The following LARGE1 variants were observed in gnomAD, a reference collection of about 807,000 sequenced individuals.
LARGE1 encodes the protein LARGE xylosyl- and glucuronyltransferase 1.
LARGE1 carries 43 observed loss-of-function variants against 87.6 expected under a neutral mutation model. That is an observed-to-expected ratio of 0.49 (90% CI 0.38 to 0.63). LARGE1 has a LOEUF of 0.63. Ranked by LOEUF, LARGE1 falls within the 30% of genes least tolerant of loss-of-function variation. LARGE1 has a pLI of 0.00. For missense variants in LARGE1, 802 were observed against 1,000.2 expected (o/e 0.80, Z 2.67); for synonymous variants, 434 against 394.6 (o/e 1.10, Z -1.18).
At chr22:33,079,377 G>A in the LARGE1 span, among the ~76,000 whole-genome samples, 16 of 151,678 alleles carry the variant, frequency 1.1e-4, no homozygotes, top group South Asian at 3.1e-3. Context: ...ACAGGCGCCC[G>A]CCACCACGCC....
the LARGE1 span, among the ~76,000 whole-genome samples, chr22:33,067,172 C>T: frequency 6.6e-6 from 1 of 151,994 alleles, no homozygotes; most frequent in African/African-American, 2.4e-5. Context: ...TTCTTCAAAA[C>T]CATCTCCATC....
rs2086567329 is a variant in LARGE1 at position 33,813,660 on chromosome 22, C to G, written c.-82-52102G>C. Among the ~76,000 whole-genome samples, 4 of 152,190 alleles carry G rather than the reference C, an allele frequency of 2.6e-5. 1 individual carries two copies. In the South Asian group the frequency reaches 8.3e-4, roughly 32 times the overall value. Reference sequence around the variant, plus strand: ...AAAACACTACTGCAGGATGTTCCATCTTTTCTGCCTAGTAAAGATCTCATG... The same window carrying G: ...AAAACACTACTGCAGGATGTTCCATGTTTTCTGCCTAGTAAAGATCTCATG... On this transcript the variant is annotated intron_variant, in intron 1 of 14. Coordinates refer to ENST00000397394, the MANE Select transcript of LARGE1 (RefSeq NM_133642.5).
At chr22:33,599,787 C>T (rs1451492714) in intron 5 of LARGE1, among the ~76,000 whole-genome samples, 3 of 152,194 alleles carry the variant, frequency 2.0e-5, no homozygotes, top group Non-Finnish European at 2.9e-5. Context: ...GAGGCCGTCA[C>T]GGGTGTCTGC....
intron 1 of LARGE1, among the ~76,000 whole-genome samples, chr22:33,909,817 C>A (rs780417070): frequency 6.6e-6 from 1 of 152,198 alleles, no homozygotes; most frequent in Non-Finnish European, 1.5e-5. Flanking sequence ...GGATTACAGG[C>A]ATGAGCCACC....
chr22:33,133,506 A>G, the LARGE1 span, among the ~76,000 whole-genome samples: 1 of 152,174 alleles, frequency 6.6e-6, no homozygotes, highest in African/African-American at 2.4e-5. Flanking sequence ...AAGGGACATG[A>G]ACTCATCCTT....
the LARGE1 span, among the ~76,000 whole-genome samples, chr22:33,090,181 G>A: frequency 4.6e-5 from 7 of 152,230 alleles, no homozygotes; most frequent in African/African-American, 1.7e-4. Flanking sequence ...GTCCAGCCTG[G>A]GTGACAGAGC....
chr22:33,279,039 C>T (rs2145849656), intron 13 of LARGE1, among the ~76,000 whole-genome samples: 1 of 152,214 alleles, frequency 6.6e-6, no homozygotes, highest in Middle Eastern at 3.4e-3. Context: ...CTTATATGTC[C>T]CTGTCCCCCA....
At chr22:33,781,432 T>A (rs749138074) in intron 1 of LARGE1, among the ~76,000 whole-genome samples, 156 of 151,906 alleles carry the variant, frequency 1.0e-3, no homozygotes, top group Non-Finnish European at 6.3e-4. Flanking sequence ...ACCTGGGAGG[T>A]GGAGGTTGCA....
the LARGE1 span, among the ~76,000 whole-genome samples, chr22:33,104,854 A>G: frequency 2.0e-5 from 3 of 152,138 alleles, no homozygotes; most frequent in Non-Finnish European, 1.5e-5. Flanking sequence ...TTCATGGCTC[A>G]TAAATAGAAG....
intron 7 of LARGE1, among the ~76,000 whole-genome samples, chr22:33,389,580 C>G (rs1316913262): frequency 2.6e-5 from 4 of 152,244 alleles, no homozygotes; most frequent in Non-Finnish European, 5.9e-5. Context: ...TGCGGTGGCT[C>G]ATGCCTGTAA....
At chr22:33,142,690 C>A in the LARGE1 span, among the ~76,000 whole-genome samples, 3 of 152,106 alleles carry the variant, frequency 2.0e-5, no homozygotes, top group Admixed American at 6.6e-5. Context: ...TGGTCATTTT[C>A]CAAAGTTTTT....
chr22:33,563,334 G>A (rs2077918786), intron 6 of LARGE1: 1 of 152,206 alleles, frequency 6.6e-6, no homozygotes, highest in Middle Eastern at 3.1e-3. Flanking sequence ...ACCCCCTCTA[G>A]GAGAGGTGAC....
chr22:33,373,254 GAAC>G (rs988243430), intron 9 of LARGE1, among the ~76,000 whole-genome samples: 3 of 152,088 alleles, frequency 2.0e-5, no homozygotes, highest in African/African-American at 7.2e-5. Context: ...CCCTATGTTA[GAAC>G]AACAAGGTTT....
chr22:33,175,317 A>G (rs1922805735), intron 11 of LARGE1, among the ~76,000 whole-genome samples: 1 of 151,542 alleles, frequency 6.6e-6, no homozygotes, highest in Non-Finnish European at 1.5e-5. Context: ...GGGAAGGGAG[A>G]GAGAAAGAAA....
At chr22:33,351,962 C>A (rs1235552183) in intron 9 of LARGE1, among the ~76,000 whole-genome samples, 2 of 152,128 alleles carry the variant, frequency 1.3e-5, no homozygotes, top group East Asian at 3.9e-4. Context: ...TGGTCTAGAT[C>A]TCTTGCGCTC....
the LARGE1 span, among the ~76,000 whole-genome samples, chr22:33,114,335 A>G: frequency 6.6e-6 from 1 of 152,338 alleles, no homozygotes; most frequent in East Asian, 1.9e-4. Context: ...TTAGGACAAC[A>G]TAACTTATCC....
chr22:33,493,185 T>C (rs1005691798), intron 6 of LARGE1, among the ~76,000 whole-genome samples: 7 of 130,000 alleles, frequency 5.4e-5, no homozygotes, highest in African/African-American at 1.8e-4. Context: ...TTTTGAGACA[T>C]AGTCTTGCTC....
At chr22:33,680,086 C>T (rs1433519866) in intron 2 of LARGE1, among the ~76,000 whole-genome samples, 1 of 152,150 alleles carries the variant, frequency 6.6e-6, no homozygotes, top group Admixed American at 6.6e-5. Context: ...TGGCTCATGG[C>T]CCTGATTTGT....
At chr22:33,722,956 T>C (rs2083154004) in intron 2 of LARGE1, among the ~76,000 whole-genome samples, 1 of 152,000 alleles carries the variant, frequency 6.6e-6, no homozygotes. Context: ...TAGAGCAAGA[T>C]CCTGGAATGC....
Sources: gnomAD v4.1 joint callset for allele counts (sites outside exome capture counted in the v4.1 genomes callset) on GRCh38, gnomAD v4.1.1 for gene constraint, MANE v1.5 for transcripts, NCBI Gene and HGNC (gene_info 2026-07-23, HGNC 2026-07-21) for gene names.